The following KDM7A variants were observed in gnomAD, a reference collection of about 807,000 sequenced individuals.
The protein encoded by KDM7A is lysine demethylase 7A.
In KDM7A, 28 loss-of-function variants were observed where a neutral mutation model predicts 114.8. That is an observed-to-expected ratio of 0.24 (90% CI 0.18 to 0.33). The LOEUF is 0.33. Among genes scored for constraint, KDM7A ranks in the 10% least tolerant of loss-of-function variants. The pLI is 1.00. For missense variants in KDM7A, 942 were observed against 1,142.5 expected (o/e 0.82, Z 2.53); for synonymous variants, 423 against 397.8 (o/e 1.06, Z -0.75).
At chr7:140,113,465 G>A in intron 10 of KDM7A, 26 bp downstream of exon 10, 1 of 1,262,130 alleles carries the variant, frequency 7.9e-7, no homozygotes, top group South Asian at 1.3e-5. Flanking sequence ...ATAAAACACA[G>A]TGATTTCACT....
Position 140,089,694 on chromosome 7 carries a change from G to A in KDM7A, c.*1400C>T, listed in dbSNP as rs940271296. On this transcript the variant is annotated 3_prime_UTR_variant, in exon 20 of 20. Coordinates refer to ENST00000397560, the MANE Select transcript of KDM7A (RefSeq NM_030647.2). The stretch of plus-strand genomic sequence containing the variant: ...AAGCTACTATAAGCAAATGAAAACT[G>A]GCATTTAGTAAAAATCATACATAAA... The A allele has an allele frequency of 2.6e-5, 4 of 151,964 alleles. No individual in the cohort carries two copies. The highest frequency in any genetic ancestry group is 1.3e-4 in the Admixed American group (2 of 15,236). The allele number at this position is 151,964 out of a possible 1,614,324, so 9.4% of individuals were successfully genotyped here. A position where few individuals can be genotyped will look rare whatever the true frequency, so the allele number is the denominator to read the frequency against.
At chr7:140,091,749 A>G (rs1818024165) in intron 19 of KDM7A, 55 bp downstream of exon 19, 1 of 1,581,116 alleles carries the variant, frequency 6.3e-7, no homozygotes, top group African/African-American at 1.4e-5. Context: ...AACTGCCATG[A>G]TGACCATCAC....
intron 9 of KDM7A, among the ~76,000 whole-genome samples, chr7:140,114,509 G>C (rs909154747): frequency 4.0e-5 from 6 of 149,872 alleles, no homozygotes; most frequent in Admixed American, 6.6e-5. Context: ...GCGTGATCTC[G>C]GCTCGCTACA....
At chr7:140,126,966 T>C (rs1333093494) in intron 5 of KDM7A, 143 bp from the exon 6 acceptor site, 1 of 667,788 alleles carries the variant, frequency 1.5e-6, no homozygotes, top group African/African-American at 1.8e-5. Context: ...AAACACATGT[T>C]TGTTTGTTTT....
chr7:140,159,036 T>C (rs1423753825), intron 1 of KDM7A, among the ~76,000 whole-genome samples: 1 of 152,318 alleles, frequency 6.6e-6, no homozygotes, highest in East Asian at 1.9e-4. Context: ...TTTTGTTTGT[T>C]TGTTTGTTTC....
At chr7:140,127,906 T>C (rs1241799665) in intron 4 of KDM7A, among the ~76,000 whole-genome samples, 1 of 152,218 alleles carries the variant, frequency 6.6e-6, no homozygotes, top group Non-Finnish European at 1.5e-5. Flanking sequence ...AAATACATTA[T>C]ATTGGCATGT....
In KDM7A at chr7:140,176,846, G is replaced by A; in HGVS notation, c.92C>T (p.Ala31Val). 1.5e-6 allele frequency: 2 copies of A among 1,314,390 alleles called. No homozygotes were observed. Among genetic ancestry groups the A allele is most frequent in the Non-Finnish European group, 9.9e-7 (1 of 1,014,372 alleles). 81.4% of individuals were successfully genotyped at this position (1,314,390 alleles called of 1,614,324 possible). Reference sequence around the variant, plus strand: ...GTACACGGGCGGGGGCGGCGGAGGCGCCGAGGCCCGGCCGGGAGCCGCCAC... The same window carrying A: ...GTACACGGGCGGGGGCGGCGGAGGCACCGAGGCCCGGCCGGGAGCCGCCAC... ...VSVAAPGRAS[A>V]PPPPPPVYCV... The change falls in exon 1 of 20, where the codon GCG becomes GTG. Residue 31 changes from alanine to valine, a missense_variant. Physicochemically the swap from Ala to Val is moderately conservative, Grantham distance 64 (BLOSUM62 0). This residue lies in a region of KDM7A where 112 missense variants were observed against 96.2 expected (regional missense o/e 1.16). Coordinates refer to ENST00000397560, the MANE Select transcript of KDM7A (RefSeq NM_030647.2). The surrounding 1 kb of genome is among the most constrained non-coding windows in gnomAD (Gnocchi z 4.4).
rs1562963925 is a variant in KDM7A at position 140,176,274 on chromosome 7, CG to C, written c.194+469del. On this transcript the variant is annotated intron_variant, in intron 1 of 19. Coordinates refer to ENST00000397560, the MANE Select transcript of KDM7A (RefSeq NM_030647.2). This position sits in a 1 kb window ranked among gnomAD's most constrained non-coding sequence, Gnocchi z 4.4. ...GGGCCGGGGCGACCCCATCGCCGCC[CG>C]GAAGGAAGGCAGGCGCGTCGGCCGG... Among the ~76,000 whole-genome samples the C allele has an allele frequency of 6.7e-6, 1 of 149,948 alleles. No individual in the cohort carries two copies. Among genetic ancestry groups the C allele is most frequent in the East Asian group, 2.0e-4 (1 of 4,882 alleles).
intron 12 of KDM7A, 98 bp from the exon 13 acceptor site, chr7:140,100,121 C>T: frequency 7.7e-7 from 1 of 1,305,048 alleles, no homozygotes. Context: ...CATGGTCCTG[C>T]ATCTCAAAGA....
chr7:140,135,453 G>A (rs935124776), intron 2 of KDM7A, among the ~76,000 whole-genome samples: 2 of 151,980 alleles, frequency 1.3e-5, no homozygotes, highest in African/African-American at 4.8e-5. Context: ...CGCCCACCTT[G>A]GCCTCCCAAA....
At position 140,091,119 on chromosome 7, in the gene KDM7A, T is replaced by G; in HGVS notation, c.2801A>C (p.Asn934Thr). The change falls in exon 20 of 20, where the codon AAT (asparagine) becomes ACT (threonine). Residue 934 changes from asparagine to threonine, a missense_variant. By Grantham distance (65) the Asn-to-Thr change is moderately conservative. Coordinates refer to ENST00000397560, the MANE Select transcript of KDM7A (RefSeq NM_030647.2). ...TCACACAAAGAAACGTGCATGGCCA[T>G]TTCTGTTCAACTTAAGGATCTTCCC... ...RLGKILKLNR[N>T]GHARFFV The G allele has an allele frequency of 1.2e-6, 2 of 1,614,004 alleles. No individual in the cohort carries two copies. Among genetic ancestry groups the G allele is most frequent in the Non-Finnish European group, 1.7e-6 (2 of 1,179,822 alleles).
chr7:140,171,520 AAT>A (rs984429678), intron 1 of KDM7A, among the ~76,000 whole-genome samples: 5 of 145,172 alleles, frequency 3.4e-5, no homozygotes, highest in Non-Finnish European at 6.0e-5. Context: ...TATATTTATA[AAT>A]ATATATTTAT....
chr7:140,100,663 T>TATATATATATATACACAC (rs1818186460), intron 12 of KDM7A, among the ~76,000 whole-genome samples: 4 of 38,288 alleles, frequency 1.0e-4, no homozygotes, highest in Non-Finnish European at 2.3e-4. Flanking sequence ...TAAAAAGTTA[T>TATATATATATATACACAC]ATATATATAT....
rs372105809 is a variant in KDM7A, at chr7:140,096,507, T to A, written c.2374+48A>T. ...AATGAGGATTATTGAGCCATTAAGT[T>A]GGGCAACATATGTTACTTTTTAGAG... On this transcript the variant is annotated intron_variant, in intron 17 of 19. Transcript: ENST00000397560. 27 of 1,384,480 alleles carry A rather than the reference T, an allele frequency of 2.0e-5. No homozygotes were observed. The African/African-American group carries it at 2.3e-4, about 12-fold the overall frequency. 85.8% of individuals were successfully genotyped at this position (1,384,480 alleles called of 1,614,324 possible). A position where few individuals can be genotyped will look rare whatever the true frequency, so the allele number is the denominator to read the frequency against.
At chr7:140,092,756 A>G (rs897971409) in intron 18 of KDM7A, among the ~76,000 whole-genome samples, 7 of 152,230 alleles carry the variant, frequency 4.6e-5, no homozygotes, top group Admixed American at 1.3e-4. Context: ...CTAATCATCC[A>G]TCCTCTATGT....
At chr7:140,091,720 AG>A in intron 19 of KDM7A, 83 bp downstream of exon 19, 7 of 1,435,348 alleles carry the variant, frequency 4.9e-6, no homozygotes, top group Non-Finnish European at 6.8e-6. Flanking sequence ...GAACAACTTG[AG>A]TGCAGAGACT....
chr7:140,119,714 A>G (rs1818588587), intron 8 of KDM7A, among the ~76,000 whole-genome samples: 1 of 152,150 alleles, frequency 6.6e-6, no homozygotes, highest in Non-Finnish European at 1.5e-5. Flanking sequence ...TAGGTGTGGG[A>G]GCTGTTTAAG....
At chr7:140,110,009 A>G (rs1818406160) in intron 11 of KDM7A, among the ~76,000 whole-genome samples, 1 of 152,190 alleles carries the variant, frequency 6.6e-6, no homozygotes, top group Non-Finnish European at 1.5e-5. Context: ...TTCAGGTCAT[A>G]ACAAATATGG....
rs572221911 is a variant in KDM7A at position 140,158,746 on chromosome 7, G to A, written c.194+17998C>T. Among the ~76,000 whole-genome samples the A allele has an allele frequency of 3.7e-3, 560 of 152,248 alleles. 5 individuals carry two copies. The highest frequency in any genetic ancestry group is 0.012 in the African/African-American group (516 of 41,546). ...AATTGCAGTTAAGAACTGAGAAGGA[G>A]GGGTAGCAAAGCAGAAGGAAAATCA... On this transcript the variant is annotated intron_variant, in intron 1 of 19. Coordinates refer to ENST00000397560, the MANE Select transcript of KDM7A (RefSeq NM_030647.2).
Sources: allele counts gnomAD v4.1 joint callset (sites outside exome capture counted in the v4.1 genomes callset), GRCh38; gene constraint gnomAD v4.1.1; regional missense constraint gnomAD v4.1.1; non-coding constraint Gnocchi (gnomAD v3.1); transcripts MANE v1.5; gene names NCBI Gene and HGNC (gene_info 2026-07-23, HGNC 2026-07-21).